Variants in CAST observed in about 807,000 individuals in gnomAD.
The protein encoded by CAST is calpastatin.
A neutral mutation model predicts 119.6 loss-of-function variants in CAST; 76 were observed. The observed-to-expected ratio is 0.64, with a 90% CI of 0.53 to 0.77. CAST has a LOEUF of 0.77. Among genes scored for constraint, CAST ranks in the 30% least tolerant of loss-of-function variants. CAST has a pLI of 0.00. For synonymous variants in CAST, 319 were observed against 331.6 expected (o/e 0.96, Z 0.41); for missense variants, 953 against 946.5 (o/e 1.01, Z -0.09).
chr5:96,314,507 A>G, the CAST span, among the ~76,000 whole-genome samples: 1 of 152,304 alleles, frequency 6.6e-6, no homozygotes, highest in East Asian at 1.9e-4. Flanking sequence ...GACTAGACCA[A>G]GAGCCTTCTC....
chr5:96,754,074 A>C lies in CAST; in HGVS notation c.1539A>C (p.Pro513=), dbSNP rs2150599205. ...TGCACTTTCAGAAGGGCACAGTGCCAGATGATGCTGTAGAAGCCTTGGCTG... is the reference window on the plus strand; with the variant it reads ...TGCACTTTCAGAAGGGCACAGTGCCCGATGATGCTGTAGAAGCCTTGGCTG... ...PEPATLKGTV[P]DDAVEALADS... The change falls in exon 21 of 32, where the codon CCA becomes CCC. Residue 513 remains proline, a synonymous_variant. Transcript: ENST00000675179. 1 of 1,612,474 alleles carries C rather than the reference A, an allele frequency of 6.2e-7. No homozygotes were observed. The highest frequency in any genetic ancestry group is 1.1e-5 in the South Asian group (1 of 91,048).
At chr5:96,584,453 AAT>A (rs1348280409) in intron 1 of CAST, 1 of 152,210 alleles carries the variant, frequency 6.6e-6, no homozygotes, top group African/African-American at 2.4e-5. Flanking sequence ...GTTTTGTGTA[AAT>A]ATATATGACA....
chr5:96,561,180 C>A (rs1435557161), intron 1 of CAST, among the ~76,000 whole-genome samples: 11 of 139,874 alleles, frequency 7.9e-5, no homozygotes, highest in Non-Finnish European at 1.7e-4. Context: ...GGAAGGGGAA[C>A]ATCACACACC....
At chr5:96,736,424 G>A (rs182646254) in intron 10 of CAST, among the ~76,000 whole-genome samples, 184 bp downstream of exon 10, 1 of 151,894 alleles carries the variant, frequency 6.6e-6, no homozygotes, top group Non-Finnish European at 1.5e-5. Flanking sequence ...ACTCATGTTT[G>A]TAACACTTGC....
chr5:96,122,625 G>C, the CAST span, among the ~76,000 whole-genome samples: 1 of 152,098 alleles, frequency 6.6e-6, no homozygotes, highest in Admixed American at 6.6e-5. Flanking sequence ...ATGTGTTCGA[G>C]GGGGTAGAAA....
chr5:96,064,032 G>C, the CAST span, among the ~76,000 whole-genome samples: 1 of 152,144 alleles, frequency 6.6e-6, no homozygotes. Context: ...TAACCTAGTA[G>C]TCATCATGGT....
At chr5:95,996,562 C>T in the CAST span, among the ~76,000 whole-genome samples, 5 of 152,118 alleles carry the variant, frequency 3.3e-5, no homozygotes, top group Non-Finnish European at 4.4e-5. Context: ...ATAATTACCA[C>T]GGAAACAAAT....
chr5:96,560,097 A>C (rs1452884617), intron 1 of CAST, among the ~76,000 whole-genome samples: 4 of 152,272 alleles, frequency 2.6e-5, no homozygotes, highest in East Asian at 1.9e-4. Context: ...CAAAAACAAG[A>C]AATAGGGAAA....
the CAST span, among the ~76,000 whole-genome samples, chr5:96,470,563 G>C: frequency 6.6e-6 from 1 of 152,060 alleles, no homozygotes; most frequent in African/African-American, 2.4e-5. Context: ...TCAGAGCACT[G>C]TGTGTCAACT....
At chr5:96,679,893 G>A (rs185051517) in intron 2 of CAST, among the ~76,000 whole-genome samples, 12 of 151,806 alleles carry the variant, frequency 7.9e-5, no homozygotes, top group East Asian at 7.7e-4. Context: ...GAGTCTTACC[G>A]CTTAAACTAC....
the CAST span, among the ~76,000 whole-genome samples, chr5:96,140,167 C>T: frequency 1.3e-5 from 2 of 152,136 alleles, no homozygotes; most frequent in Non-Finnish European, 2.9e-5. Flanking sequence ...TAGGGTTCTA[C>T]TGGGGAGAGG....
intron 30 of CAST, among the ~76,000 whole-genome samples, chr5:96,771,411 A>C (rs901639241): frequency 6.6e-6 from 1 of 152,170 alleles, no homozygotes; most frequent in African/African-American, 2.4e-5. Context: ...CCTTAAAAAA[A>C]TAAAGCTGAG....
In CAST at chr5:96,662,442, A is replaced by G; in HGVS notation, c.20A>G (p.Lys7Arg). Residue 7 changes from lysine to arginine, a missense_variant, in exon 1 of 32, where the codon AAG becomes AGG. Lys to Arg is a conservative substitution (Grantham distance 26, BLOSUM62 2). Transcript: ENST00000675179. ...CTCGCCATGTCCCAGCCCGGCCAGA[A>G]GCCCGCCGCCTCCCCGCGGCCCCGG... MSQPGQ[K>R]PAASPRPRRA... is the part of the protein sequence containing the mutation. 21 of 1,441,602 alleles carry G rather than the reference A, an allele frequency of 1.5e-5. No individual in the cohort carries two copies. Among genetic ancestry groups the G allele is most frequent in the Non-Finnish European group, 1.8e-5 (20 of 1,102,460 alleles). 89.3% of individuals were successfully genotyped at this position (1,441,602 alleles called of 1,614,324 possible).
intron 19 of CAST, 61 bp downstream of exon 19, chr5:96,748,674 G>T: frequency 1.2e-6 from 1 of 800,584 alleles, no homozygotes; most frequent in Non-Finnish European, 2.1e-6. Flanking sequence ...AAAAAATTGT[G>T]AGACAGACTG....
At chr5:96,523,947 C>T (rs1745558248), upstream of CAST, among the ~76,000 whole-genome samples, 1 of 152,222 alleles carries the variant, frequency 6.6e-6, no homozygotes, top group South Asian at 2.1e-4. Flanking sequence ...TGTCTATTAC[C>T]AGTATCCCCG....
the CAST span, among the ~76,000 whole-genome samples, chr5:96,233,551 A>G: frequency 1.3e-5 from 2 of 152,134 alleles, no homozygotes; most frequent in Admixed American, 1.3e-4. Flanking sequence ...ATAAAGCCCT[A>G]TATTGGTTTA....
the CAST span, chr5:96,416,069 A>G: frequency 6.2e-7 from 1 of 1,613,192 alleles, no homozygotes; most frequent in Non-Finnish European, 8.5e-7. Flanking sequence ...CCAACCCCGC[A>G]TTTGTGATTA....
the CAST span, among the ~76,000 whole-genome samples, chr5:96,365,198 A>C: frequency 6.6e-6 from 1 of 152,192 alleles, no homozygotes; most frequent in Non-Finnish European, 1.5e-5. Flanking sequence ...ACAGTTTGTT[A>C]TAATTTCTGT....
the CAST span, among the ~76,000 whole-genome samples, chr5:96,374,337 A>C: frequency 6.6e-6 from 1 of 152,206 alleles, no homozygotes; most frequent in Admixed American, 6.5e-5. Flanking sequence ...CCAGAAAACA[A>C]ACAAGTTCAT....
Sources: allele counts gnomAD v4.1 joint callset (sites outside exome capture counted in the v4.1 genomes callset), GRCh38; gene constraint gnomAD v4.1.1; transcripts MANE v1.5; gene names NCBI Gene and HGNC (gene_info 2026-07-23, HGNC 2026-07-21).